The following MYO18B variants were observed in gnomAD, a reference collection of about 807,000 sequenced individuals.
MYO18B encodes the protein unconventional myosin-XVIIIb.
In MYO18B, 204 loss-of-function variants were observed where a neutral mutation model predicts 273.0. That is an observed-to-expected ratio of 0.75 (90% CI 0.67 to 0.84). The LOEUF (loss-of-function observed/expected upper bound fraction) is 0.84, where lower values mean the gene tolerates loss of function less well. MYO18B is among the 40% of genes least tolerant of loss of function. MYO18B has a pLI of 0.00. For synonymous variants in MYO18B, 1,330 were observed against 1,305.7 expected, an observed-to-expected ratio of 1.02 and a Z score of -0.40; for missense variants, 3,212 against 3,287.6, an observed-to-expected ratio of 0.98 and a Z score of 0.56.
chr22:25,882,280 A>C (rs1018034650), intron 25 of MYO18B, among the ~76,000 whole-genome samples: 2 of 152,212 alleles, frequency 1.3e-5, no homozygotes, highest in African/African-American at 4.8e-5. Context: ...TTGGGCAGAA[A>C]AATCCAACAC....
At chr22:25,754,783 C>T (rs1417002677) in intron 1 of MYO18B, among the ~76,000 whole-genome samples, 2 of 152,186 alleles carry the variant, frequency 1.3e-5, no homozygotes, top group Non-Finnish European at 2.9e-5. Context: ...TGGCGCAGGA[C>T]CTCTGAGGGG....
chr22:26,022,059 AG>A (rs1485214524), intron 42 of MYO18B, among the ~76,000 whole-genome samples: 1 of 152,090 alleles, frequency 6.6e-6, no homozygotes, highest in Non-Finnish European at 1.5e-5. Context: ...GAAGTCTCCA[AG>A]GCTTTTCTGG....
intron 25 of MYO18B, among the ~76,000 whole-genome samples, chr22:25,885,515 G>A (rs1187214478): frequency 6.6e-6 from 1 of 152,150 alleles, no homozygotes; most frequent in Non-Finnish European, 1.5e-5. Context: ...GCAGAACCTG[G>A]TCTGGCAGGT....
At chr22:25,933,766 A>T (rs993165993) in intron 34 of MYO18B, among the ~76,000 whole-genome samples, 1 of 152,190 alleles carries the variant, frequency 6.6e-6, no homozygotes, top group Non-Finnish European at 1.5e-5. Flanking sequence ...GGTTTTGGTT[A>T]TGAATAGAGC....
rs773088581 is a variant in MYO18B at position 25,903,732 on chromosome 22, T to G, written c.5049T>G (p.Val1683=). The G allele has an allele frequency of 1.9e-6, 3 of 1,606,686 alleles. No individual in the cohort carries two copies. In the Admixed American group the frequency reaches 5.1e-5, roughly 27 times the overall value. Reference sequence around the variant, plus strand: ...CACCCTCTCTGGGGGAAAATTGCGTTGCTGGCTTGAAGGAGAGGCTCTGGA... The same window carrying G: ...CACCCTCTCTGGGGGAAAATTGCGTGGCTGGCTTGAAGGAGAGGCTCTGGA... ...LGSPSLGENC[V]AGLKERLWKL... The change falls in exon 31 of 44, where the codon GTT becomes GTG. Residue 1683 remains valine (V), a synonymous_variant. Coordinates refer to ENST00000335473, the MANE Select transcript of MYO18B (RefSeq NM_032608.7).
At chr22:25,845,318 A>G (rs1457896342) in intron 18 of MYO18B, among the ~76,000 whole-genome samples, 1 of 152,214 alleles carries the variant, frequency 6.6e-6, no homozygotes, top group East Asian at 1.9e-4. Context: ...AGAGATCGAG[A>G]CCATCCTGGC....
intron 19 of MYO18B, 41 bp downstream of exon 19, chr22:25,846,324 GC>G: frequency 6.3e-7 from 1 of 1,598,200 alleles, no homozygotes; most frequent in Non-Finnish European, 8.5e-7. Context: ...GGCCTTCACT[GC>G]CTCCATCCTC....
intron 12 of MYO18B, among the ~76,000 whole-genome samples, chr22:25,803,967 AACACACACACACACACACACACACAC>A (rs151023852): frequency 1.5e-5 from 2 of 136,960 alleles, no homozygotes; most frequent in East Asian, 4.4e-4. Flanking sequence ...TGACCCAGTG[AACACACACACACACACACACACACAC>A]ACACACACAC....
intron 22 of MYO18B, among the ~76,000 whole-genome samples, chr22:25,870,646 A>G (rs1601414479): frequency 1.3e-5 from 2 of 152,102 alleles, no homozygotes; most frequent in African/African-American, 4.8e-5. Flanking sequence ...AGCTCCAGGA[A>G]CTTCATCCTT....
At chr22:25,982,394 G>A (rs372028890) in intron 39 of MYO18B, among the ~76,000 whole-genome samples, 32 of 152,294 alleles carry the variant, frequency 2.1e-4, no homozygotes, top group South Asian at 1.9e-3. Flanking sequence ...CTGGCATTTC[G>A]ATAGATCCTG....
intron 42 of MYO18B, among the ~76,000 whole-genome samples, chr22:26,023,492 C>CCTT (rs1483347175): frequency 6.7e-6 from 1 of 149,046 alleles, no homozygotes; most frequent in Non-Finnish European, 1.5e-5. Context: ...TCCTCCTCCT[C>CCTT]CTCTACCTCC....
chr22:26,061,842 G>A, the MYO18B span, among the ~76,000 whole-genome samples: 2 of 151,914 alleles, frequency 1.3e-5, no homozygotes, highest in African/African-American at 2.4e-5. Context: ...TTGAATCTTG[G>A]CCCTTCCTAG....
At chr22:25,968,348 C>T (rs144196394) in intron 39 of MYO18B, among the ~76,000 whole-genome samples, 179 of 152,214 alleles carry the variant, frequency 1.2e-3, no homozygotes, top group African/African-American at 3.6e-3. Flanking sequence ...AGAATAGATT[C>T]CCCCAAGGAA....
chr22:26,045,470 T>C, the MYO18B span, among the ~76,000 whole-genome samples: 1 of 152,180 alleles, frequency 6.6e-6, no homozygotes, highest in Non-Finnish European at 1.5e-5. Context: ...AGAAACAGGA[T>C]TGGACAGAGA....
In MYO18B at chr22:25,903,663, G is replaced by A; in HGVS notation, c.4980G>A (p.Gln1660=). Residue 1660 remains glutamine (Q), a synonymous_variant, in exon 31 of 44, where the codon CAG becomes CAA. Transcript: ENST00000335473. ...AGCAGGAAGCCTCACAGCTGAAGCA[G>A]CAGGTGGAGATGCTACAGGACCATA... ...QKEQEASQLK[Q]QVEMLQDHKR... 6.2e-7 allele frequency: 1 copy of A among 1,609,332 alleles called. No individual in the cohort carries two copies. The highest frequency in any genetic ancestry group is 1.7e-5 in the Admixed American group (1 of 59,420).
At chr22:26,023,524 CTT>C (rs1450070982) in intron 42 of MYO18B, among the ~76,000 whole-genome samples, 2 of 151,122 alleles carry the variant, frequency 1.3e-5, no homozygotes, top group East Asian at 1.9e-4. Context: ...CCCTCCTCCT[CTT>C]CCTCCTCCTG....
intron 1 of MYO18B, among the ~76,000 whole-genome samples, chr22:25,760,479 A>G (rs2086276551): frequency 6.6e-6 from 1 of 151,172 alleles, no homozygotes; most frequent in African/African-American, 2.4e-5. Context: ...AATATTGACC[A>G]GAAGGGAGCA....
At chr22:26,058,314 C>T in the MYO18B span, among the ~76,000 whole-genome samples, 5 of 151,692 alleles carry the variant, frequency 3.3e-5, no homozygotes, top group African/African-American at 7.3e-5. Context: ...CTTGAGGGGA[C>T]GGGATATGAG....
At chr22:25,821,067 A>G (rs1011700108) in intron 12 of MYO18B, among the ~76,000 whole-genome samples, 114 of 151,974 alleles carry the variant, frequency 7.5e-4, no homozygotes, top group African/African-American at 2.5e-3. Context: ...TTCTTTACCC[A>G]TTTGTCTGTT....
Sources: gnomAD v4.1 joint callset for allele counts (sites outside exome capture counted in the v4.1 genomes callset) on GRCh38, gnomAD v4.1.1 for gene constraint, MANE v1.5 for transcripts, NCBI Gene and HGNC (gene_info 2026-07-23, HGNC 2026-07-21) for gene names.